The following TVP23C variants were observed in gnomAD, a reference collection of about 807,000 sequenced individuals.
The protein encoded by TVP23C is trans-golgi network vesicle protein 23 homolog C.
TVP23C carries 19 observed loss-of-function variants against 28.7 expected under a neutral mutation model. That is an observed-to-expected ratio of 0.66 (90% CI 0.46 to 0.97). TVP23C has a LOEUF of 0.97. TVP23C is among the 50% of genes least tolerant of loss of function. The probability of loss-of-function intolerance (pLI) is 0.00; values close to 1 mark genes in which losing one functional copy is unlikely to be tolerated. For missense variants in TVP23C, 186 were observed against 241.3 expected (o/e 0.77, Z 1.52); for synonymous variants, 68 against 81.7 (o/e 0.83, Z 0.90).
intron 2 of TVP23C, 134 bp from the exon 3 acceptor site, chr17:15,553,963 A>G (rs896061553): frequency 2.0e-6 from 3 of 1,509,144 alleles, no homozygotes; most frequent in Admixed American, 2.0e-5. Context: ...CTTTAGTAGG[A>G]GGAAGCAAAC....
At chr17:15,510,192 G>A (rs952091708) in intron 5 of TVP23C, among the ~76,000 whole-genome samples, 5 of 152,184 alleles carry the variant, frequency 3.3e-5, no homozygotes, top group African/African-American at 1.2e-4. Context: ...GGGTTCTAGT[G>A]AGGAGTTCCA....
chr17:15,503,006 G>A, exon 6 of TVP23C: 2 of 1,614,170 alleles, frequency 1.2e-6, no homozygotes, highest in Admixed American at 3.3e-5. Flanking sequence ...GCAGTTGCCT[G>A]GAGCCGCACG....
downstream of TVP23C, among the ~76,000 whole-genome samples, chr17:15,535,575 T>C (rs1983120365): frequency 6.6e-6 from 1 of 152,124 alleles, no homozygotes; most frequent in Non-Finnish European, 1.5e-5. Context: ...GTGAGCATAA[T>C]AAAATGACTT....
intron 5 of TVP23C, among the ~76,000 whole-genome samples, chr17:15,522,510 G>T (rs986696864): frequency 2.0e-5 from 3 of 152,144 alleles, no homozygotes; most frequent in African/African-American, 7.2e-5. Flanking sequence ...TCAATACAGG[G>T]TGCTGATACA....
At chr17:15,560,518 G>C (rs1036701531) in intron 1 of TVP23C, among the ~76,000 whole-genome samples, 3 of 149,562 alleles carry the variant, frequency 2.0e-5, no homozygotes, top group African/African-American at 7.3e-5. Flanking sequence ...AAAGGAAAAA[G>C]AATGGAGTGA....
intron 3 of TVP23C, among the ~76,000 whole-genome samples, chr17:15,550,221 T>A (rs183126261): frequency 1.3e-3 from 199 of 152,312 alleles, no homozygotes; most frequent in African/African-American, 3.7e-3. Context: ...TAACTGTAAA[T>A]GATCACCATT....
intron 5 of TVP23C, among the ~76,000 whole-genome samples, chr17:15,544,897 A>G (rs988631612): frequency 1.3e-5 from 2 of 152,238 alleles, no homozygotes; most frequent in Non-Finnish European, 2.9e-5. Flanking sequence ...GAGGAAAAAC[A>G]TAATTAAGGC....
intron 5 of TVP23C, among the ~76,000 whole-genome samples, chr17:15,544,412 G>C (rs1259686479): frequency 6.6e-6 from 1 of 151,908 alleles, no homozygotes; most frequent in Non-Finnish European, 1.5e-5. Flanking sequence ...TATAAAACTT[G>C]GTAACACAAA....
At chr17:15,556,787 C>T (rs1224854286) in intron 1 of TVP23C, among the ~76,000 whole-genome samples, 1 of 152,092 alleles carries the variant, frequency 6.6e-6, no homozygotes, top group African/African-American at 2.4e-5. Flanking sequence ...TCTATTCCAG[C>T]CTCTCCTTTA....
intron 5 of TVP23C, among the ~76,000 whole-genome samples, chr17:15,509,471 G>A (rs1285682142): frequency 6.6e-6 from 1 of 152,230 alleles, no homozygotes; most frequent in Admixed American, 6.5e-5. Context: ...TCCAAGTGGT[G>A]GTTCCTACCA....
intron 5 of TVP23C, among the ~76,000 whole-genome samples, chr17:15,544,410 T>C (rs997844773): frequency 3.3e-5 from 5 of 151,988 alleles, no homozygotes; most frequent in Admixed American, 3.3e-4. Context: ...ATTATAAAAC[T>C]TGGTAACACA....
chr17:15,502,712 T>C, exon 6 of TVP23C: 12 of 1,225,598 alleles, frequency 9.8e-6, no homozygotes, highest in Non-Finnish European at 1.3e-5. Flanking sequence ...TCGTTCTTTC[T>C]CTCTCTCCTC....
At chr17:15,542,478 T>A (rs1166455782) in intron 5 of TVP23C, among the ~76,000 whole-genome samples, 1 of 152,098 alleles carries the variant, frequency 6.6e-6, no homozygotes, top group Non-Finnish European at 1.5e-5. Context: ...TTATTTATTT[T>A]TATTTATTTA....
At chr17:15,548,540 C>T (rs962098983) in intron 3 of TVP23C, among the ~76,000 whole-genome samples, 6 of 152,172 alleles carry the variant, frequency 3.9e-5, no homozygotes, top group Non-Finnish European at 5.9e-5. Context: ...AGACAACAAA[C>T]TATGAACATA....
chr17:15,560,831 G>C (rs551811839), intron 1 of TVP23C, among the ~76,000 whole-genome samples: 54 of 150,074 alleles, frequency 3.6e-4, no homozygotes, highest in African/African-American at 1.3e-3. Flanking sequence ...TGGGATTACA[G>C]GTGTGAGCCA....
intron 5 of TVP23C, among the ~76,000 whole-genome samples, chr17:15,520,945 T>C (rs1370262794): frequency 5.9e-5 from 9 of 151,390 alleles, no homozygotes; most frequent in Non-Finnish European, 8.8e-5. Context: ...AAAAATGTGA[T>C]GGCATAAAAT....
chr17:15,561,185 G>A (rs542295431), intron 1 of TVP23C, among the ~76,000 whole-genome samples: 96 of 152,286 alleles, frequency 6.3e-4, no homozygotes, highest in African/African-American at 2.2e-3. Context: ...GAGAAGAAAC[G>A]TTGAAGATTT....
rs1311577091 is a variant in TVP23C at position 15,540,660 on chromosome 17, G to A, written c.463-99C>T. 6.1e-5 allele frequency: 40 copies of A among 653,834 alleles called. No homozygotes were observed. The East Asian group carries it at 1.0e-3, about 17-fold the overall frequency. The allele number at this position is 653,834 out of a possible 1,614,324, so 40.5% of individuals were successfully genotyped here. On this transcript the variant is annotated intron_variant, in intron 5 of 5. Coordinates refer to ENST00000518321, the MANE Select transcript of TVP23C (RefSeq NM_001135036.2). ...AGGCAGACTGTCATGAGAAAGAGAA[G>A]GAAGAGGAAGCTCTGCAAAGCCATG...
At chr17:15,531,127 C>T (rs1384838986) in intron 5 of TVP23C, 1 of 152,170 alleles carries the variant, frequency 6.6e-6, no homozygotes, top group African/African-American at 2.4e-5. Context: ...ATATGTCATT[C>T]TACAGCCTTC....
Sources: gnomAD v4.1 joint callset for allele counts (sites outside exome capture counted in the v4.1 genomes callset) on GRCh38, gnomAD v4.1.1 for gene constraint, MANE v1.5 for transcripts, NCBI Gene and HGNC (gene_info 2026-07-23, HGNC 2026-07-21) for gene names.